Variants in AUTS2 observed in about 807,000 individuals in gnomAD.
AUTS2 encodes activator of transcription and developmental regulator AUTS2.
In AUTS2, 17 loss-of-function variants were observed where a neutral mutation model predicts 112.4. The observed-to-expected ratio is 0.15, with a 90% CI of 0.10 to 0.23. The LOEUF (loss-of-function observed/expected upper bound fraction) is 0.23. Among genes scored for constraint, AUTS2 ranks in the 10% least tolerant of loss-of-function variants. The pLI, the probability that AUTS2 is intolerant of heterozygous loss-of-function variation, is 1.00. For missense variants in AUTS2, 1,510 were observed against 1,701.6 expected (o/e 0.89, Z 1.98); for synonymous variants, 751 against 702.7 (o/e 1.07, Z -1.09).
intron 4 of AUTS2, among the ~76,000 whole-genome samples, chr7:70,242,345 C>T (rs1288798413): frequency 6.6e-6 from 1 of 152,158 alleles, no homozygotes; most frequent in Non-Finnish European, 1.5e-5. Flanking sequence ...TAATTATCTT[C>T]AGAGGCCTCT....
rs530711627 is a variant in AUTS2 at position 70,073,910 on chromosome 7, A to G, written c.523-44222A>G. ...ACGAATGTGGACCTATTAATATTCT[A>G]TAGCACTTTGAGCCACTTTGAATTA... On this transcript the variant is annotated intron_variant, in intron 2 of 18. Coordinates refer to ENST00000342771, the MANE Select transcript of AUTS2 (RefSeq NM_015570.4). 2.0e-5 allele frequency among the ~76,000 whole-genome samples: 3 copies of G among 152,330 alleles called. No homozygotes were observed. The South Asian group carries it at 6.2e-4, about 32-fold the overall frequency.
In AUTS2 at chr7:70,676,178, T is replaced by G. The variant is rs59203390; in HGVS notation, c.691-22391T>G. ...GATATAGGCCAGATGTGGTGGCTCA[T>G]GCCTATGATCCCAACACTTTGGGAG... On this transcript the variant is annotated intron_variant, in intron 5 of 18. Transcript: ENST00000342771. Among the ~76,000 whole-genome samples, 616 of 152,310 alleles carry G rather than the reference T, an allele frequency of 4.0e-3. 3 individuals carry two copies. Among genetic ancestry groups the G allele is most frequent in the African/African-American group, 0.014 (586 of 41,568 alleles).
intron 2 of AUTS2, among the ~76,000 whole-genome samples, chr7:69,909,819 A>G (rs1331168921): frequency 6.6e-6 from 1 of 152,190 alleles, no homozygotes; most frequent in Non-Finnish European, 1.5e-5. Context: ...ATATATTGCT[A>G]TGAGGCCAAA....
At chr7:70,511,912 C>G (rs1174079285) in intron 5 of AUTS2, among the ~76,000 whole-genome samples, 1 of 152,156 alleles carries the variant, frequency 6.6e-6, no homozygotes, top group Non-Finnish European at 1.5e-5. Flanking sequence ...CCCACTTTCA[C>G]TCTTCAAAGT....
rs749321104 is a variant in AUTS2 at position 70,790,056 on chromosome 7, C to T, written c.2840C>T (p.Pro947Leu). 1.9e-6 allele frequency: 3 copies of T among 1,577,582 alleles called. No individual in the cohort carries two copies. Among genetic ancestry groups the T allele is most frequent in the Admixed American group, 1.9e-5 (1 of 53,018 alleles). ...ARVPSPYVRT[P>L]VVESARPNST... ...GTGCCGTCTCCCTACGTGCGGACCC[C>T]GGTGGTGGAGAGTGCCAGGCCCAAC... is the stretch of plus-strand genomic sequence containing the variant. Residue 947 changes from proline (P) to leucine (L), a missense_variant, in exon 19 of 19, where the codon CCG becomes CTG. Pro to Leu is a moderately conservative substitution (Grantham distance 98, BLOSUM62 -3). This residue lies in a region of AUTS2 where 788 missense variants were observed against 797.6 expected (regional missense o/e 0.99). Transcript: ENST00000342771. The surrounding 1 kb of genome is among the most constrained non-coding windows in gnomAD (Gnocchi z 7.6).
chr7:69,615,598 C>T (rs533785552), intron 1 of AUTS2, among the ~76,000 whole-genome samples: 14 of 152,260 alleles, frequency 9.2e-5, no homozygotes, highest in East Asian at 1.9e-4. Context: ...CCACTGCATC[C>T]GGCCTATTTT....
intron 2 of AUTS2, among the ~76,000 whole-genome samples, chr7:70,102,025 C>T (rs950570826): frequency 7.9e-5 from 12 of 151,862 alleles, no homozygotes; most frequent in East Asian, 3.9e-4. Context: ...TTCGTTCAAC[C>T]GTAACATTTT....
At chr7:70,752,217 A>T (rs1788910654) in intron 6 of AUTS2, among the ~76,000 whole-genome samples, 1 of 152,094 alleles carries the variant, frequency 6.6e-6, no homozygotes, top group Non-Finnish European at 1.5e-5. Flanking sequence ...TCTTATCCAG[A>T]GGAAGCAGCT....
Position 70,528,093 on chromosome 7 carries a change from ATTTT to A in AUTS2, c.690+92335_690+92338del, listed in dbSNP as rs10651355. ...ACTTGAAGTTCACTTAAATTTAAGGATTTTTTTTTTTTTTTTTTTTTTTTTTACT... is the reference window on the plus strand; with the variant it reads ...ACTTGAAGTTCACTTAAATTTAAGGATTTTTTTTTTTTTTTTTTTTTTACT... On this transcript the variant is annotated intron_variant, in intron 5 of 18. Coordinates refer to ENST00000342771, the MANE Select transcript of AUTS2 (RefSeq NM_015570.4). 6.2e-5 allele frequency among the ~76,000 whole-genome samples: 6 copies of A among 97,298 alleles called. No individual in the cohort carries two copies. The Admixed American group carries it at 6.6e-4, about 11-fold the overall frequency. The allele number at this position is 97,298 out of a possible 152,430, so 63.8% of individuals were successfully genotyped here.
At chr7:70,277,926 TTGTGTGTGTG>T (rs35535865) in intron 4 of AUTS2, among the ~76,000 whole-genome samples, 1 of 129,088 alleles carries the variant, frequency 7.7e-6, no homozygotes, top group African/African-American at 3.1e-5. Flanking sequence ...CCTTGTGTAT[TTGTGTGTGTG>T]TGTGTGTGTG....
At chr7:70,479,023 A>G (rs946435411) in intron 5 of AUTS2, among the ~76,000 whole-genome samples, 6 of 151,526 alleles carry the variant, frequency 4.0e-5, no homozygotes, top group African/African-American at 1.5e-4. Flanking sequence ...AAATTTAATT[A>G]CCCAGTCTAC....
rs747119623 is a variant in AUTS2, at chr7:70,691,749, G to A, written c.691-6820G>A. On this transcript the variant is annotated intron_variant, in intron 5 of 18. Transcript: ENST00000342771. ...AGCAGCACTGGAGGTGGCCACAGTG[G>A]TCAGAGGCTTGGCTTTTGGCGTTCC... Among the ~76,000 whole-genome samples, 138 of 152,170 alleles carry A rather than the reference G, an allele frequency of 9.1e-4. 1 individual carries two copies. Among genetic ancestry groups the A allele is most frequent in the Non-Finnish European group, 1.4e-3 (92 of 68,046 alleles).
intron 1 of AUTS2, among the ~76,000 whole-genome samples, chr7:69,760,432 T>C (rs921034763): frequency 6.6e-6 from 1 of 151,976 alleles, no homozygotes; most frequent in Non-Finnish European, 1.5e-5. Context: ...TTTAATATAT[T>C]TAACCTCTTT....
chr7:70,446,307 T>C (rs1430234201), intron 5 of AUTS2, among the ~76,000 whole-genome samples: 1 of 152,172 alleles, frequency 6.6e-6, no homozygotes, highest in Non-Finnish European at 1.5e-5. Context: ...GGGGAGAATA[T>C]AGTGTTTATC....
At position 69,848,254 on chromosome 7, in the gene AUTS2, CT is replaced by C. The variant is rs1287288102; in HGVS notation, c.310-51031del. Among the ~76,000 whole-genome samples, 6 of 152,324 alleles carry C rather than the reference CT, an allele frequency of 3.9e-5. No individual in the cohort carries two copies. In the East Asian group the frequency reaches 5.8e-4, roughly 15 times the overall value. On this transcript the variant is annotated intron_variant, in intron 1 of 18. Coordinates refer to ENST00000342771, the MANE Select transcript of AUTS2 (RefSeq NM_015570.4). Reference sequence around the variant, plus strand: ...GATTGCAGCCTGTACTGCATTGCCCCTATCTGTAACCCCATTAAGAGGTTGT... The same window carrying C: ...GATTGCAGCCTGTACTGCATTGCCCCATCTGTAACCCCATTAAGAGGTTGT...
chr7:70,056,348 A>T (rs1298948720), intron 2 of AUTS2, among the ~76,000 whole-genome samples: 3 of 152,030 alleles, frequency 2.0e-5, no homozygotes, highest in Admixed American at 6.6e-5. Context: ...ATGTATCTTC[A>T]GCCTTTATAC....
chr7:70,432,113 A>G (rs1406780443), intron 4 of AUTS2, among the ~76,000 whole-genome samples: 2 of 152,234 alleles, frequency 1.3e-5, no homozygotes, highest in Non-Finnish European at 2.9e-5. Context: ...AAATCTTGTC[A>G]TGGAGAGTAC....
intron 2 of AUTS2, among the ~76,000 whole-genome samples, chr7:69,995,150 T>C (rs781664558): frequency 9.2e-5 from 14 of 152,176 alleles, no homozygotes; most frequent in Non-Finnish European, 1.3e-4. Flanking sequence ...TGTTTTTTTC[T>C]CAAGAGAGCA....
intron 4 of AUTS2, among the ~76,000 whole-genome samples, chr7:70,433,506 A>G (rs867230678): frequency 6.6e-6 from 1 of 152,298 alleles, no homozygotes; most frequent in Middle Eastern, 3.4e-3. Context: ...TCAGGACAGT[A>G]TTGTTCCTCA....
Sources: allele counts gnomAD v4.1 joint callset (sites outside exome capture counted in the v4.1 genomes callset), GRCh38; gene constraint gnomAD v4.1.1; regional missense constraint gnomAD v4.1.1; non-coding constraint Gnocchi (gnomAD v3.1); transcripts MANE v1.5; gene names NCBI Gene and HGNC (gene_info 2026-07-23, HGNC 2026-07-21).